Variants in MYO1E observed in about 807,000 individuals in gnomAD.
MYO1E encodes unconventional myosin-Ie.
In MYO1E, 68 loss-of-function variants were observed where a neutral mutation model predicts 151.1. The ratio of observed to expected loss-of-function variants is 0.45; its 90% CI spans 0.37 to 0.55. MYO1E has a LOEUF of 0.55. MYO1E is among the 20% of genes least tolerant of loss of function. The pLI is 0.00. For missense variants in MYO1E, 1,363 were observed against 1,389.3 expected (o/e 0.98, Z 0.30); for synonymous variants, 601 against 501.7 (o/e 1.20, Z -2.64).
At chr15:59,198,770 G>A (rs1372621374) in intron 16 of MYO1E, among the ~76,000 whole-genome samples, 1 of 151,308 alleles carries the variant, frequency 6.6e-6, no homozygotes, top group Non-Finnish European at 1.5e-5. Context: ...AGTGAGCCAA[G>A]ATCGCATCAC....
chr15:59,206,878 G>A (rs1275998636), intron 14 of MYO1E: 3 of 1,518,536 alleles, frequency 2.0e-6, no homozygotes, highest in Non-Finnish European at 2.7e-6. Flanking sequence ...CTCTCTTGGC[G>A]TCTCAACGTT....
At chr15:59,364,313 G>C (rs560978130) in intron 1 of MYO1E, among the ~76,000 whole-genome samples, 1 of 152,160 alleles carries the variant, frequency 6.6e-6, no homozygotes, top group Non-Finnish European at 1.5e-5. Context: ...TGGGAATGTG[G>C]AGTATGCATC....
chr15:59,207,041 C>G (rs200574046), intron 14 of MYO1E: 11 of 1,614,198 alleles, frequency 6.8e-6, no homozygotes, highest in Non-Finnish European at 8.5e-6. Context: ...CGTCAAGCAA[C>G]GCGCATCCCG....
At chr15:59,190,148 G>GGCTGC (rs1198526887) in intron 17 of MYO1E, among the ~76,000 whole-genome samples, 2 of 152,204 alleles carry the variant, frequency 1.3e-5, no homozygotes, top group Non-Finnish European at 2.9e-5. Context: ...ATTGGGCCTG[G>GGCTGC]GCTGCGTGCT....
intron 1 of MYO1E, among the ~76,000 whole-genome samples, chr15:59,288,767 G>T (rs2080402279): frequency 9.4e-6 from 1 of 106,356 alleles, no homozygotes; most frequent in African/African-American, 2.9e-5. Flanking sequence ...CACTATAAAT[G>T]TGAGTCAATT....
At chr15:59,250,797 AAC>A (rs1230354303) in intron 4 of MYO1E, among the ~76,000 whole-genome samples, 3 of 152,124 alleles carry the variant, frequency 2.0e-5, no homozygotes, top group East Asian at 1.9e-4. Context: ...CCTAAATGAA[AAC>A]ACAGCCACTG....
chr15:59,296,962 C>T (rs1272922957), intron 1 of MYO1E, among the ~76,000 whole-genome samples: 67 of 135,122 alleles, frequency 5.0e-4, no homozygotes, highest in Middle Eastern at 3.8e-3. Context: ...GCCTCAGCCT[C>T]CCGAGTAGGT....
chr15:59,137,678 G>A (rs1436320544), intron 27 of MYO1E, among the ~76,000 whole-genome samples: 5 of 152,210 alleles, frequency 3.3e-5, no homozygotes, highest in Non-Finnish European at 5.9e-5. Context: ...ATTCAAGGTT[G>A]TCTTCCTGGC....
intron 1 of MYO1E, among the ~76,000 whole-genome samples, chr15:59,343,316 T>C (rs1462516899): frequency 6.6e-6 from 1 of 152,070 alleles, no homozygotes; most frequent in Non-Finnish European, 1.5e-5. Flanking sequence ...TTTTTAATGC[T>C]TCAGCACTTT....
intron 1 of MYO1E, among the ~76,000 whole-genome samples, chr15:59,318,727 G>A (rs2080605392): frequency 2.0e-5 from 3 of 152,140 alleles, no homozygotes; most frequent in South Asian, 4.1e-4. Context: ...GCCAGGCAGT[G>A]TACTAAGGAC....
At chr15:59,257,791 C>T (rs1464807842) in intron 3 of MYO1E, among the ~76,000 whole-genome samples, 1 of 152,052 alleles carries the variant, frequency 6.6e-6, no homozygotes, top group African/African-American at 2.4e-5. Context: ...TATGCAGGAA[C>T]CAGAATATGT....
At chr15:59,208,434 G>A (rs1285162341) in intron 14 of MYO1E, 7 of 596,072 alleles carry the variant, frequency 1.2e-5, no homozygotes, top group Non-Finnish European at 2.1e-5. Flanking sequence ...ATTCTTGCTG[G>A]TTTATACCTA....
In MYO1E at chr15:59,238,514, A is replaced by G. The variant is rs565951725; in HGVS notation, c.333-1842T>C. Among the ~76,000 whole-genome samples the G allele has an allele frequency of 3.9e-5, 6 of 152,374 alleles. No individual in the cohort carries two copies. The East Asian group carries it at 1.2e-3, about 29-fold the overall frequency. On this transcript the variant is annotated intron_variant, in intron 4 of 27. Coordinates refer to ENST00000288235, the MANE Select transcript of MYO1E (RefSeq NM_004998.4). Reference sequence around the variant, plus strand: ...GTTTACAACTATGTGAAAATAATGTATGGGCAAAAACAAATTGACAAGGAA... The same window carrying G: ...GTTTACAACTATGTGAAAATAATGTGTGGGCAAAAACAAATTGACAAGGAA...
chr15:59,156,048 G>C (rs1015192762), intron 25 of MYO1E, among the ~76,000 whole-genome samples: 6 of 152,086 alleles, frequency 3.9e-5, no homozygotes, highest in Non-Finnish European at 8.8e-5. Flanking sequence ...CTTGAGACAG[G>C]GTCTCACTCT....
chr15:59,310,277 T>C (rs1251574266), intron 1 of MYO1E, among the ~76,000 whole-genome samples: 1 of 152,216 alleles, frequency 6.6e-6, no homozygotes, highest in African/African-American at 2.4e-5. Flanking sequence ...AGTGTGTATC[T>C]GTTGTGGGTT....
Position 59,356,147 on chromosome 15 carries a change from CATT to C in MYO1E, c.3+16348_3+16350del, listed in dbSNP as rs2080851428. Among the ~76,000 whole-genome samples, 3 of 152,302 alleles carry C rather than the reference CATT, an allele frequency of 2.0e-5. No homozygotes were observed. The East Asian group carries it at 5.8e-4, about 29-fold the overall frequency. On this transcript the variant is annotated intron_variant, in intron 1 of 27. Coordinates refer to ENST00000288235, the MANE Select transcript of MYO1E (RefSeq NM_004998.4). ...GGGAAGGCGTTTGCCCCATTTTCAA[CATT>C]ATAGCTGCTGCTGAGTGAAGAAAGG...
chr15:59,272,506 A>G, intron 1 of MYO1E, 57 bp from the exon 2 acceptor site: 2 of 1,566,048 alleles, frequency 1.3e-6, no homozygotes, highest in East Asian at 4.5e-5. Context: ...GTAGTAACAA[A>G]GACAAAATGC....
rs138496578 is a variant in MYO1E, at chr15:59,315,583, C to T, written c.4-43134G>A. Among the ~76,000 whole-genome samples the T allele has an allele frequency of 6.3e-4, 95 of 151,758 alleles. 4 individuals are homozygous for T. The highest frequency in any genetic ancestry group is 2.2e-3 in the African/African-American group (92 of 41,310). On this transcript the variant is annotated intron_variant, in intron 1 of 27. Transcript: ENST00000288235. ...AAAAAAAAAGTCTAGTTCTGATCTG[C>T]CAAGAAATAACACTGGGTAAGTTAC...
intron 6 of MYO1E, 136 bp from the exon 7 acceptor site, chr15:59,227,726 T>A: frequency 8.4e-7 from 1 of 1,192,072 alleles, no homozygotes; most frequent in Non-Finnish European, 1.2e-6. Context: ...AATTTGAGTC[T>A]AGACTTCCTT....
Sources: gnomAD v4.1 joint callset for allele counts (sites outside exome capture counted in the v4.1 genomes callset) on GRCh38, gnomAD v4.1.1 for gene constraint, MANE v1.5 for transcripts, NCBI Gene and HGNC (gene_info 2026-07-23, HGNC 2026-07-21) for gene names.